Variants in RABGEF1 observed in about 807,000 individuals in gnomAD.
The protein encoded by RABGEF1 is rab5 GDP/GTP exchange factor.
In RABGEF1, 26 loss-of-function variants were observed where a neutral mutation model predicts 57.3. The observed-to-expected ratio is 0.45, with a 90% CI of 0.33 to 0.63. The LOEUF (loss-of-function observed/expected upper bound fraction) is 0.63. Among genes scored for constraint, RABGEF1 ranks in the 20% least tolerant of loss-of-function variants. RABGEF1 has a pLI of 0.02. For synonymous variants in RABGEF1, 185 were observed against 210.7 expected (o/e 0.88, Z 1.06); for missense variants, 464 against 607.6 (o/e 0.76, Z 2.48).
rs762421989 is a variant in RABGEF1, at chr7:66,795,476, C to T, written c.514-35C>T. 2.6e-6 allele frequency: 4 copies of T among 1,531,600 alleles called. No individual in the cohort carries two copies. The East Asian group carries it at 9.0e-5, about 34-fold the overall frequency. The allele number at this position is 1,531,600 out of a possible 1,614,324, so 94.9% of individuals were successfully genotyped here. On this transcript the variant is annotated intron_variant, in intron 4 of 8. Coordinates refer to ENST00000284957, the MANE Select transcript of RABGEF1 (RefSeq NM_014504.3). ...TAGAGCTGTGCTTCTGCACTTTGTT[C>T]AGCTACAAGCAGCCTCTTTGTCTCT...
chr7:66,762,160 A>ATTTGGT (rs1804571134), intron 1 of RABGEF1, among the ~76,000 whole-genome samples: 1 of 152,226 alleles, frequency 6.6e-6, no homozygotes, highest in Non-Finnish European at 1.5e-5. Flanking sequence ...TTATAACACC[A>ATTTGGT]CACTGGTACT....
chr7:66,773,455 T>TA (rs1430387615), intron 2 of RABGEF1, among the ~76,000 whole-genome samples: 2 of 152,202 alleles, frequency 1.3e-5, no homozygotes, highest in Non-Finnish European at 2.9e-5. Context: ...TTCTATTTCT[T>TA]ACTGCTTTTA....
intron 1 of RABGEF1, among the ~76,000 whole-genome samples, chr7:66,754,361 TTTC>T (rs1182535674): frequency 6.6e-6 from 1 of 151,864 alleles, no homozygotes; most frequent in East Asian, 1.9e-4. Context: ...TGGCAGGTTT[TTTC>T]TTTCAGCTTT....
In RABGEF1 at chr7:66,753,308, C is replaced by T. The variant is rs1315163591; in HGVS notation, c.-18+12516C>T. Among the ~76,000 whole-genome samples, 4 of 152,186 alleles carry T rather than the reference C, an allele frequency of 2.6e-5. No individual in the cohort carries two copies. The South Asian group carries it at 8.3e-4, about 32-fold the overall frequency. On this transcript the variant is annotated intron_variant, in intron 1 of 8. Coordinates refer to ENST00000284957, the MANE Select transcript of RABGEF1 (RefSeq NM_014504.3). ...TTGCTAACTGGGGTGTATGATTGTC[C>T]TATTTGTAAAGAACAGGTGTTGCTG... is the stretch of plus-strand genomic sequence containing the variant.
At chr7:66,707,441 C>G (rs6964080) in intron 1 of RABGEF1, among the ~76,000 whole-genome samples, 15,862 of 152,068 alleles carry the variant, frequency 0.1, 908 homozygotes, top group Non-Finnish European at 0.11. Context: ...ACCTGCAATC[C>G]CAGCACTTTG....
intron 2 of RABGEF1, among the ~76,000 whole-genome samples, chr7:66,712,556 G>C (rs1012064523): frequency 4.0e-5 from 6 of 151,632 alleles, no homozygotes; most frequent in African/African-American, 1.5e-4. Context: ...CTGCAGCCTC[G>C]ACCTCCCGGG....
chr7:66,774,895 C>G (rs1265432394), intron 2 of RABGEF1, among the ~76,000 whole-genome samples: 1 of 152,190 alleles, frequency 6.6e-6, no homozygotes, highest in Non-Finnish European at 1.5e-5. Context: ...CTTTTACTCT[C>G]TGATGTAGCA....
In RABGEF1 at chr7:66,806,137, G is replaced by A. The variant is rs553366950; in HGVS notation, c.1077+741G>A. Among the ~76,000 whole-genome samples the A allele has an allele frequency of 5.5e-4, 83 of 152,174 alleles. No individual in the cohort carries two copies. The South Asian group carries it at 0.011, about 21-fold the overall frequency. ...AATGAATTTGGAGACTTGGGGCAGC[G>A]TATGGACTTGGTTTTCTGTGTTGAG... On this transcript the variant is annotated intron_variant, in intron 8 of 8. Transcript: ENST00000284957.
chr7:66,657,205 G>C, the RABGEF1 span, among the ~76,000 whole-genome samples: 3 of 152,170 alleles, frequency 2.0e-5, no homozygotes, highest in South Asian at 2.1e-4. Flanking sequence ...CTTTTCAAGA[G>C]CGTGTGGGAT....
At chr7:66,785,908 T>C (rs1476203610) in intron 4 of RABGEF1, among the ~76,000 whole-genome samples, 1 of 152,090 alleles carries the variant, frequency 6.6e-6, no homozygotes, top group East Asian at 1.9e-4. Context: ...TACTCAGTTC[T>C]TCAAAACTGC....
intron 1 of RABGEF1, among the ~76,000 whole-genome samples, chr7:66,696,415 C>T (rs775268492): frequency 2.6e-4 from 39 of 152,058 alleles, no homozygotes; most frequent in Non-Finnish European, 4.1e-4. Context: ...TGGGGCTGGG[C>T]GTGGTGGCTC....
chr7:66,722,980 T>C (rs1796210591), intron 2 of RABGEF1, among the ~76,000 whole-genome samples: 1 of 152,158 alleles, frequency 6.6e-6, no homozygotes, highest in African/African-American at 2.4e-5. Context: ...TTTTTTTCTT[T>C]TTTTTTGAGA....
At chr7:66,707,543 C>A (rs1299262914) in intron 1 of RABGEF1, among the ~76,000 whole-genome samples, 2 of 152,052 alleles carry the variant, frequency 1.3e-5, no homozygotes, top group African/African-American at 4.8e-5. Flanking sequence ...CAAAAACCAG[C>A]CAGTCGTGGT....
the RABGEF1 span, among the ~76,000 whole-genome samples, chr7:66,656,677 G>GGA: frequency 6.6e-6 from 1 of 151,916 alleles, no homozygotes; most frequent in Non-Finnish European, 1.5e-5. Flanking sequence ...AAAATTAGCC[G>GGA]GCTGTGATGG....
At chr7:66,743,487 A>G (rs1264060295) in intron 1 of RABGEF1, among the ~76,000 whole-genome samples, 1 of 151,574 alleles carries the variant, frequency 6.6e-6, no homozygotes, top group East Asian at 1.9e-4. Flanking sequence ...CTACTAATTT[A>G]GCTTGCCTGG....
At chr7:66,661,736 T>C in the RABGEF1 span, among the ~76,000 whole-genome samples, 2 of 152,224 alleles carry the variant, frequency 1.3e-5, no homozygotes, top group African/African-American at 4.8e-5. Flanking sequence ...TTTCAAAAAC[T>C]TGAAGAGGAG....
At chr7:66,784,968 T>A (rs1447978472) in intron 4 of RABGEF1, among the ~76,000 whole-genome samples, 1 of 152,210 alleles carries the variant, frequency 6.6e-6, no homozygotes, top group African/African-American at 2.4e-5. Context: ...GTTTTGTATT[T>A]ATTTTTTTCT....
At chr7:66,700,175 C>T (rs1793013624) in intron 1 of RABGEF1, among the ~76,000 whole-genome samples, 1 of 152,236 alleles carries the variant, frequency 6.6e-6, no homozygotes, top group Non-Finnish European at 1.5e-5. Flanking sequence ...AGCCCTGGTT[C>T]ATTCTGGATC....
At chr7:66,800,308 A>G (rs1467891095) in intron 7 of RABGEF1, among the ~76,000 whole-genome samples, 1 of 152,186 alleles carries the variant, frequency 6.6e-6, no homozygotes, top group Non-Finnish European at 1.5e-5. Context: ...CCTAGCCCCA[A>G]GGGTCATCCA....
Sources: allele counts gnomAD v4.1 joint callset (sites outside exome capture counted in the v4.1 genomes callset), GRCh38; gene constraint gnomAD v4.1.1; transcripts MANE v1.5; gene names NCBI Gene and HGNC (gene_info 2026-07-23, HGNC 2026-07-21).